The following TANC2 variants were observed in gnomAD, a reference collection of about 807,000 sequenced individuals.
TANC2 encodes the protein protein TANC2.
In TANC2, 26 loss-of-function variants were observed where a neutral mutation model predicts 210.5. The ratio of observed to expected loss-of-function variants is 0.12; its 90% confidence interval spans 0.09 to 0.17. The LOEUF is 0.17. Among genes scored for constraint, TANC2 ranks in the 10% least tolerant of loss-of-function variants. The pLI is 1.00. For synonymous variants in TANC2, 931 were observed against 967.1 expected (o/e 0.96, Z 0.69); for missense variants, 2,129 against 2,608.9 (o/e 0.82, Z 4.01).
intron 1 of TANC2, among the ~76,000 whole-genome samples, chr17:62,971,195 G>T (rs60625861): frequency 0.021 from 3,186 of 152,226 alleles, 104 homozygotes; most frequent in African/African-American, 0.071. Flanking sequence ...TTAAGGAGAT[G>T]TGTGTATGGT....
At chr17:63,199,663 A>G (rs1048989730) in intron 6 of TANC2, among the ~76,000 whole-genome samples, 5 of 152,202 alleles carry the variant, frequency 3.3e-5, no homozygotes, top group Non-Finnish European at 2.9e-5. Flanking sequence ...TTGAAAAAAT[A>G]TACTTTTATT....
intron 24 of TANC2, 134 bp from the exon 25 acceptor site, chr17:63,413,409 A>G (rs2048764357): frequency 3.3e-6 from 2 of 601,126 alleles, no homozygotes; most frequent in Non-Finnish European, 5.8e-6. Context: ...TCCCAGGTCT[A>G]AAAGATGAGG....
chr17:63,197,840 T>C (rs2145776772), intron 6 of TANC2: 1 of 152,292 alleles, frequency 6.6e-6, no homozygotes, highest in East Asian at 1.9e-4. Context: ...GCCTACAGCA[T>C]GAAGAATAAA....
intron 5 of TANC2, chr17:63,153,196 C>G (rs1211683049): frequency 2.6e-5 from 4 of 152,010 alleles, no homozygotes; most frequent in Non-Finnish European, 5.9e-5. Flanking sequence ...AGTATACTCA[C>G]AAACCAAAAA....
intron 2 of TANC2, among the ~76,000 whole-genome samples, chr17:63,029,620 A>G (rs2034688761): frequency 6.6e-6 from 1 of 152,182 alleles, no homozygotes; most frequent in African/African-American, 2.4e-5. Context: ...AATGGAAAGA[A>G]CTTATGGCTG....
chr17:63,187,957 T>C (rs192738224), intron 5 of TANC2, among the ~76,000 whole-genome samples: 7 of 152,232 alleles, frequency 4.6e-5, no homozygotes, highest in Non-Finnish European at 8.8e-5. Context: ...GAAAAATACA[T>C]ATTTCAAAAA....
At chr17:63,416,857 G>T (rs568534903) in intron 26 of TANC2, among the ~76,000 whole-genome samples, 1 of 152,310 alleles carries the variant, frequency 6.6e-6, no homozygotes, top group Admixed American at 6.5e-5. Flanking sequence ...TGGCGGTCTC[G>T]GGAGACAGAT....
At chr17:63,080,777 T>G (rs965156904) in intron 3 of TANC2, among the ~76,000 whole-genome samples, 1 of 152,158 alleles carries the variant, frequency 6.6e-6, no homozygotes, top group African/African-American at 2.4e-5. Context: ...TATTTCAATA[T>G]TCAGTGTATT....
intron 8 of TANC2, among the ~76,000 whole-genome samples, chr17:63,244,419 A>C (rs778242507): frequency 6.6e-6 from 1 of 152,174 alleles, no homozygotes; most frequent in Non-Finnish European, 1.5e-5. Flanking sequence ...TTTTGTTTTA[A>C]ATTTTCATTG....
At chr17:62,989,924 C>A (rs931954583) in intron 1 of TANC2, among the ~76,000 whole-genome samples, 5 of 151,914 alleles carry the variant, frequency 3.3e-5, no homozygotes, top group African/African-American at 1.2e-4. Flanking sequence ...GTGCGCACCG[C>A]CACACCTGGC....
chr17:63,251,723 A>ATTGAATATCGC (rs1393539319), intron 8 of TANC2, among the ~76,000 whole-genome samples: 2 of 152,300 alleles, frequency 1.3e-5, no homozygotes, highest in East Asian at 3.9e-4. Flanking sequence ...TGCATTTGAT[A>ATTGAATATCGC]TTGAATATCG....
In TANC2 at chr17:63,420,538, C is replaced by A. The variant is rs765187847; in HGVS notation, c.4808C>A (p.Pro1603His). 9.9e-6 allele frequency: 16 copies of A among 1,613,928 alleles called. No individual in the cohort carries two copies. Among genetic ancestry groups the A allele is most frequent in the Non-Finnish European group, 1.3e-5 (15 of 1,179,832 alleles). Residue 1603 changes from proline (P) to histidine (H), a missense_variant, in exon 28 of 28, where the codon CCT (proline) becomes CAT (histidine). Physicochemically the swap from Pro to His is moderately conservative, Grantham distance 77. This residue lies in a region of TANC2 where 584 missense variants were observed against 627.3 expected (regional missense o/e 0.93). Coordinates refer to ENST00000689528, the Ensembl canonical transcript of TANC2. This position sits in a 1 kb window ranked among gnomAD's most constrained non-coding sequence, Gnocchi z 4.2. ...GGAGGATCTTACCGTTTCAGCCCCC[C>A]TCCTGTGGGAGGACAGGGCAAAGAA... is the stretch of plus-strand genomic sequence containing the variant.
At chr17:63,124,132 A>C (rs1002878144) in intron 4 of TANC2, among the ~76,000 whole-genome samples, 14 of 152,126 alleles carry the variant, frequency 9.2e-5, no homozygotes, top group African/African-American at 3.1e-4. Flanking sequence ...TTATGGCCCT[A>C]ATCTTATTTA....
intron 4 of TANC2, among the ~76,000 whole-genome samples, chr17:63,132,579 G>C (rs2038956003): frequency 6.6e-6 from 1 of 152,078 alleles, no homozygotes; most frequent in Admixed American, 6.6e-5. Flanking sequence ...TTCCACCAGA[G>C]CTTTCTATAC....
intron 3 of TANC2, chr17:63,088,322 G>C (rs910126587): frequency 7.9e-5 from 12 of 152,130 alleles, no homozygotes; most frequent in Non-Finnish European, 5.9e-5. Flanking sequence ...TTACATATAT[G>C]ATTTCTCTCC....
In TANC2 at chr17:63,327,751, T is replaced by TA. The variant is rs540225542; in HGVS notation, c.1575+8670dup. ...ACACCATGGAATACTGTGCAGCCAT[T>TA]AAAAAAAAAGAATGAAATCATTCAT... On this transcript the variant is annotated intron_variant, in intron 11 of 27. Coordinates refer to ENST00000689528, the Ensembl canonical transcript of TANC2. Among the ~76,000 whole-genome samples the TA allele has an allele frequency of 1.3e-4, 19 of 150,436 alleles. No individual in the cohort carries two copies. In the East Asian group the frequency reaches 1.7e-3, roughly 14 times the overall value.
intron 15 of TANC2, among the ~76,000 whole-genome samples, chr17:63,380,749 T>C (rs914135583): frequency 1.1e-4 from 17 of 152,220 alleles, no homozygotes; most frequent in African/African-American, 4.1e-4. Context: ...AAAGATGGCA[T>C]TAAGGATAAC....
At chr17:63,354,999 C>G in exon 14 of TANC2, 1 of 1,613,900 alleles carries the variant, frequency 6.2e-7, no homozygotes, top group Non-Finnish European at 8.5e-7. Flanking sequence ...CTATCTATAT[C>G]TGAAACTTAC....
At chr17:63,256,000 G>A (rs2043185256) in intron 8 of TANC2, among the ~76,000 whole-genome samples, 1 of 147,176 alleles carries the variant, frequency 6.8e-6, no homozygotes, top group Non-Finnish European at 1.5e-5. Context: ...CTTTCCCCCA[G>A]GTTCAAGCGA....
Sources: allele counts gnomAD v4.1 joint callset (sites outside exome capture counted in the v4.1 genomes callset), GRCh38; gene constraint gnomAD v4.1.1; regional missense constraint gnomAD v4.1.1; non-coding constraint Gnocchi (gnomAD v3.1); transcripts MANE v1.5; gene names NCBI Gene and HGNC (gene_info 2026-07-23, HGNC 2026-07-21).